EPS15: variants seen among roughly 807,000 people sequenced by gnomAD.
The protein encoded by EPS15 is epidermal growth factor receptor pathway substrate 15.
Under a neutral mutation model 113.8 loss-of-function variants are expected in EPS15, and 72 were observed. The observed-to-expected ratio is 0.63, with a 90% confidence interval of 0.52 to 0.77. EPS15 has a LOEUF of 0.77. EPS15 is among the 30% of genes least tolerant of loss of function. EPS15 has a pLI of 0.00. For missense variants in EPS15, 1,048 were observed against 1,045.8 expected (o/e 1.00, Z -0.03); for synonymous variants, 344 against 363.4 (o/e 0.95, Z 0.61).
chr1:51,495,953 A>C (rs1644317116), intron 1 of EPS15, among the ~76,000 whole-genome samples: 1 of 152,250 alleles, frequency 6.6e-6, no homozygotes, highest in East Asian at 1.9e-4. Flanking sequence ...AAATTTTTTC[A>C]ATCAGTAATC....
intron 24 of EPS15, among the ~76,000 whole-genome samples, chr1:51,358,957 GC>G (rs1646310994): frequency 6.6e-6 from 1 of 151,868 alleles, no homozygotes; most frequent in Non-Finnish European, 1.5e-5. Context: ...GCCCGCTTCG[GC>G]CTTCCAAAGT....
At chr1:51,488,164 T>C (rs1644159707) in intron 1 of EPS15, among the ~76,000 whole-genome samples, 1 of 152,060 alleles carries the variant, frequency 6.6e-6, no homozygotes, top group Admixed American at 6.6e-5. Flanking sequence ...TAGAGAAAAA[T>C]ATAAAAATCC....
At chr1:51,417,607 G>A (rs1489637071) in intron 13 of EPS15, among the ~76,000 whole-genome samples, 1 of 152,192 alleles carries the variant, frequency 6.6e-6, no homozygotes, top group Non-Finnish European at 1.5e-5. Context: ...CCATATATAA[G>A]TGGATACGTA....
At chr1:51,467,482 A>G (rs1183705049) in intron 5 of EPS15, among the ~76,000 whole-genome samples, 2 of 152,250 alleles carry the variant, frequency 1.3e-5, no homozygotes, top group African/African-American at 2.4e-5. Flanking sequence ...AATACTACAC[A>G]GCTATAAAAA....
chr1:51,477,905 T>C (rs1643941417), intron 2 of EPS15, among the ~76,000 whole-genome samples: 1 of 152,186 alleles, frequency 6.6e-6, no homozygotes, highest in South Asian at 2.1e-4. Flanking sequence ...AGGTGTGGTG[T>C]GGTGCTGAAA....
chr1:51,513,762 C>G (rs554418517), intron 1 of EPS15, among the ~76,000 whole-genome samples: 2 of 152,166 alleles, frequency 1.3e-5, no homozygotes, highest in South Asian at 4.1e-4. Flanking sequence ...TAAAGCAGCA[C>G]AAAAAATTAT....
In EPS15 at chr1:51,400,899, A is replaced by G; in HGVS notation, c.1918+19T>C. On this transcript the variant is annotated intron_variant, in intron 19 of 24. Transcript: ENST00000371733. ...CAGAAATGAATGAAAGCTAAGATGA[A>G]ACTCAATAAGATACTGACCGATTTT... 1 of 1,534,822 alleles carries G rather than the reference A, an allele frequency of 6.5e-7. No homozygotes were observed. The highest frequency in any genetic ancestry group is 8.9e-7 in the Non-Finnish European group (1 of 1,127,216).
At chr1:51,516,373 A>T (rs1251903489) in intron 1 of EPS15, among the ~76,000 whole-genome samples, 5 of 152,222 alleles carry the variant, frequency 3.3e-5, no homozygotes, top group African/African-American at 1.2e-4. Context: ...TTCCTAGCAC[A>T]TACTGAATGC....
rs1478293614 is a variant in EPS15 at position 51,422,418 on chromosome 1, T to C, written c.1041-560A>G. On this transcript the variant is annotated intron_variant, in intron 12 of 24. Transcript: ENST00000371733. ...GCAATTTGCTCTATCAAAAATTACATCTCAAAAAAAGCTATTTTAGGACCA... is the reference window on the plus strand; with the variant it reads ...GCAATTTGCTCTATCAAAAATTACACCTCAAAAAAAGCTATTTTAGGACCA... 1.9e-4 allele frequency among the ~76,000 whole-genome samples: 29 copies of C among 152,088 alleles called. 2 individuals are homozygous for C. The highest frequency in any genetic ancestry group is 1.9e-3 in the Admixed American group (29 of 15,260).
At chr1:51,486,148 T>C (rs959557520) in intron 1 of EPS15, among the ~76,000 whole-genome samples, 5 of 151,158 alleles carry the variant, frequency 3.3e-5, no homozygotes, top group African/African-American at 9.7e-5. Flanking sequence ...CCAGGCACAG[T>C]GGCTCATGCC....
In EPS15 at chr1:51,506,146, G is replaced by A. The variant is rs886423155; in HGVS notation, c.33+13053C>T. 9.9e-5 allele frequency among the ~76,000 whole-genome samples: 15 copies of A among 152,146 alleles called. No homozygotes were observed. In the East Asian group the frequency reaches 1.5e-3, roughly 16 times the overall value. On this transcript the variant is annotated intron_variant, in intron 1 of 24. Transcript: ENST00000371733. ...AGGTGATCCTCCCACCTCAGCCTCC[G>A]AAAGTGCTGGGATTACAGGCGTCAG...
At chr1:51,444,103 C>G (rs1425363174) in intron 11 of EPS15, among the ~76,000 whole-genome samples, 1 of 152,084 alleles carries the variant, frequency 6.6e-6, no homozygotes, top group African/African-American at 2.4e-5. Context: ...CCTGAAAAAT[C>G]TCCACAGCCA....
At chr1:51,492,965 C>T (rs937693797) in intron 1 of EPS15, among the ~76,000 whole-genome samples, 1 of 152,184 alleles carries the variant, frequency 6.6e-6, no homozygotes, top group African/African-American at 2.4e-5. Context: ...CGGTGGCTCA[C>T]GCCTGTAATC....
At position 51,405,887 on chromosome 1, in the gene EPS15, T is replaced by G; in HGVS notation, c.1677+18A>C. 6.2e-7 allele frequency: 1 copy of G among 1,605,958 alleles called. No homozygotes were observed. The highest frequency in any genetic ancestry group is 8.5e-7 in the Non-Finnish European group (1 of 1,173,598). On this transcript the variant is annotated intron_variant, in intron 16 of 24. Transcript: ENST00000371733. Reference sequence around the variant, plus strand: ...ACAAGGAGGTTGATTATGAAGGTTATGAAAGTATTAGACTCACTGGAGATT... The same window carrying G: ...ACAAGGAGGTTGATTATGAAGGTTAGGAAAGTATTAGACTCACTGGAGATT...
intron 1 of EPS15, among the ~76,000 whole-genome samples, chr1:51,485,504 G>A (rs1644103967): frequency 6.6e-6 from 1 of 152,064 alleles, no homozygotes; most frequent in African/African-American, 2.4e-5. Context: ...GGGATGGGAG[G>A]ATCACTTGAG....
chr1:51,462,870 ATTTTTTTTTTTTTT>A (rs34320767), intron 7 of EPS15, among the ~76,000 whole-genome samples: 4 of 111,070 alleles, frequency 3.6e-5, no homozygotes, highest in Non-Finnish European at 7.4e-5. Flanking sequence ...AAAAAGTCAG[ATTTTTTTTTTTTTT>A]TTTTTTTTTT....
intron 13 of EPS15, among the ~76,000 whole-genome samples, chr1:51,418,794 GTGTT>G (rs1281535401): frequency 1.3e-5 from 2 of 152,098 alleles, no homozygotes; most frequent in Non-Finnish European, 2.9e-5. Flanking sequence ...CAGCTCTTAA[GTGTT>G]TGTTATTTTT....
intron 20 of EPS15, among the ~76,000 whole-genome samples, chr1:51,394,895 T>C (rs1647773248): frequency 2.0e-5 from 3 of 152,166 alleles, no homozygotes; most frequent in Admixed American, 2.0e-4. Context: ...TCTTGCTCTG[T>C]CACCCCAGCT....
chr1:51,411,459 C>T (rs1363642923), intron 13 of EPS15, among the ~76,000 whole-genome samples: 1 of 152,130 alleles, frequency 6.6e-6, no homozygotes, highest in Non-Finnish European at 1.5e-5. Context: ...ATTTAAGATA[C>T]AGGGACACTT....
Sources: gnomAD v4.1 joint callset for allele counts (sites outside exome capture counted in the v4.1 genomes callset) on GRCh38, gnomAD v4.1.1 for gene constraint, MANE v1.5 for transcripts, NCBI Gene and HGNC (gene_info 2026-07-23, HGNC 2026-07-21) for gene names.